GHR: variants seen among roughly 807,000 people sequenced by gnomAD.
The protein encoded by GHR is growth hormone receptor, also known as GH receptor.
In GHR, 35 loss-of-function variants were observed where a neutral mutation model predicts 67.1. The ratio of observed to expected loss-of-function variants is 0.52; its 90% CI spans 0.40 to 0.69. The LOEUF (loss-of-function observed/expected upper bound fraction) is 0.69, where lower values mean the gene tolerates loss of function less well. Ranked by LOEUF, GHR falls within the 30% of genes least tolerant of loss-of-function variation. GHR has a pLI of 0.00. For missense variants in GHR, 792 were observed against 764.6 expected (o/e 1.04, Z -0.42); for synonymous variants, 272 against 269.1 (o/e 1.01, Z -0.10).
intron 2 of GHR, among the ~76,000 whole-genome samples, chr5:42,600,918 CTTTT>C (rs933355797): frequency 1.5e-5 from 1 of 66,664 alleles, no homozygotes; most frequent in Non-Finnish European, 2.6e-5. Flanking sequence ...TCTTTCTATT[CTTTT>C]TTTTTTTTTT....
chr5:42,520,877 G>A (rs1051570226), intron 1 of GHR, among the ~76,000 whole-genome samples: 2 of 152,072 alleles, frequency 1.3e-5, no homozygotes, highest in African/African-American at 4.8e-5. Flanking sequence ...GGATTTCTCT[G>A]ACCTGAAGTT....
intron 8 of GHR, among the ~76,000 whole-genome samples, chr5:42,716,272 A>G (rs1031733550): frequency 3.9e-5 from 6 of 152,082 alleles, no homozygotes; most frequent in African/African-American, 1.4e-4. Context: ...TGTGCCAACT[A>G]TGAATGCATG....
chr5:42,525,902 C>T (rs1268456415), intron 1 of GHR, among the ~76,000 whole-genome samples: 1 of 152,164 alleles, frequency 6.6e-6, no homozygotes, highest in Non-Finnish European at 1.5e-5. Flanking sequence ...TTGGAGGGCT[C>T]CCATACATGT....
At chr5:42,432,894 T>C (rs1161723323) in intron 1 of GHR, among the ~76,000 whole-genome samples, 3 of 152,230 alleles carry the variant, frequency 2.0e-5, no homozygotes, top group East Asian at 1.9e-4. Context: ...GTAAATATTT[T>C]GCAGGTGGCC....
chr5:42,649,097 G>A (rs968852650), intron 3 of GHR, among the ~76,000 whole-genome samples: 2 of 152,164 alleles, frequency 1.3e-5, no homozygotes, highest in Non-Finnish European at 2.9e-5. Context: ...GACTGCATCA[G>A]ACAGACTTGG....
chr5:42,627,307 T>A (rs918811416), intron 2 of GHR, among the ~76,000 whole-genome samples: 6 of 152,238 alleles, frequency 3.9e-5, no homozygotes, highest in Non-Finnish European at 8.8e-5. Context: ...AATCTTTTTT[T>A]AAAAAATTGT....
At chr5:42,578,821 A>C (rs565234923) in intron 2 of GHR, among the ~76,000 whole-genome samples, 1 of 152,118 alleles carries the variant, frequency 6.6e-6, no homozygotes, top group Non-Finnish European at 1.5e-5. Flanking sequence ...CCCCTTTTTC[A>C]TACCTGCTCC....
chr5:42,614,598 A>C (rs1455607302), intron 2 of GHR, among the ~76,000 whole-genome samples: 3 of 114,772 alleles, frequency 2.6e-5, no homozygotes. Context: ...TTTTGCATGG[A>C]GCACAGATTA....
intron 1 of GHR, among the ~76,000 whole-genome samples, chr5:42,431,165 C>G (rs957835976): frequency 6.6e-6 from 1 of 152,066 alleles, no homozygotes; most frequent in Non-Finnish European, 1.5e-5. Context: ...CTATTTTATT[C>G]TCTCATCATT....
chr5:42,639,152 C>T (rs570504693), intron 3 of GHR, among the ~76,000 whole-genome samples: 18 of 152,232 alleles, frequency 1.2e-4, no homozygotes, highest in African/African-American at 3.4e-4. Context: ...CTGTCTGAGA[C>T]GTGTCATCAT....
chr5:42,700,238 A>G (rs909847424), intron 6 of GHR, among the ~76,000 whole-genome samples: 2 of 152,176 alleles, frequency 1.3e-5, no homozygotes, highest in African/African-American at 2.4e-5. Context: ...CTATTTCTCC[A>G]TTCATTCTTG....
At chr5:42,712,916 AAT>A (rs1441183465) in intron 7 of GHR, among the ~76,000 whole-genome samples, 5 of 151,400 alleles carry the variant, frequency 3.3e-5, no homozygotes, top group Admixed American at 2.0e-4. Flanking sequence ...ATAGCTGTAA[AAT>A]ATATGTTATT....
At chr5:42,549,893 A>C (rs1280356653) in intron 1 of GHR, among the ~76,000 whole-genome samples, 1 of 152,238 alleles carries the variant, frequency 6.6e-6, no homozygotes, top group African/African-American at 2.4e-5. Context: ...TGTCAGGGCT[A>C]GTTTGGAGTA....
intron 3 of GHR, among the ~76,000 whole-genome samples, chr5:42,661,190 A>T (rs2112863048): frequency 6.6e-6 from 1 of 152,362 alleles, no homozygotes; most frequent in East Asian, 1.9e-4. Flanking sequence ...GCAGGATATT[A>T]TCCAGGAGAA....
Position 42,629,015 on chromosome 5 carries a change from G to A in GHR, c.71-23G>A. On this transcript the variant is annotated intron_variant, in intron 2 of 9. Coordinates refer to ENST00000230882, the MANE Select transcript of GHR (RefSeq NM_000163.5). ...ATTGTTTTGATGGGGATGACTAATGGTTTTCTTCTCTTTCTGTTTCAGCCA... is the reference window on the plus strand; with the variant it reads ...ATTGTTTTGATGGGGATGACTAATGATTTTCTTCTCTTTCTGTTTCAGCCA... 4.7e-6 allele frequency: 6 copies of A among 1,276,746 alleles called. 1 individual carries two copies. The highest frequency in any genetic ancestry group is 3.6e-5 in the Admixed American group (2 of 55,728). The allele number at this position is 1,276,746 out of a possible 1,614,324, so 79.1% of individuals were successfully genotyped here. A position where few individuals can be genotyped will look rare whatever the true frequency, so the allele number is the denominator to read the frequency against.
At chr5:42,464,159 A>G (rs1240789848) in intron 1 of GHR, among the ~76,000 whole-genome samples, 2 of 150,892 alleles carry the variant, frequency 1.3e-5, no homozygotes, top group Non-Finnish European at 2.9e-5. Flanking sequence ...TTCATTATCT[A>G]CTTACTACCT....
rs36037535 is a variant in GHR at position 42,599,357 on chromosome 5, A to ATTTT, written c.71-29660_71-29657dup. Among the ~76,000 whole-genome samples the ATTTT allele has an allele frequency of 3.5e-3, 365 of 103,900 alleles. 5 individuals are homozygous for ATTTT. Among genetic ancestry groups the ATTTT allele is most frequent in the Middle Eastern group, 6.4e-3 (1 of 156 alleles). The allele number at this position is 103,900 out of a possible 152,430, so 68.2% of individuals were successfully genotyped here. On this transcript the variant is annotated intron_variant, in intron 2 of 9. Transcript: ENST00000230882. ...GGGCATGTTGTTTGGCCTACAGCAC[A>ATTTT]TTTTTTTTTTTTTTTTTTTTTTTTG...
chr5:42,690,950 C>A (rs1757393706), intron 4 of GHR, among the ~76,000 whole-genome samples: 1 of 152,104 alleles, frequency 6.6e-6, no homozygotes, highest in African/African-American at 2.4e-5. Flanking sequence ...TTAAGCTGGG[C>A]CCACTTTATG....
In GHR at chr5:42,669,528, A is replaced by G. The variant is rs139327601; in HGVS notation, c.137-19362A>G. ...TGCTATACTTTCAGGCTTGGATTGG[A>G]ATGCCCCACATTTACTTTTTCCTAC... On this transcript the variant is annotated intron_variant, in intron 3 of 9. Transcript: ENST00000230882. 3.3e-4 allele frequency among the ~76,000 whole-genome samples: 50 copies of G among 152,290 alleles called. 5 individuals carry two copies. Among genetic ancestry groups the G allele is most frequent in the African/African-American group, 1.2e-3 (48 of 41,572 alleles).
Sources: allele counts gnomAD v4.1 joint callset (sites outside exome capture counted in the v4.1 genomes callset), GRCh38; gene constraint gnomAD v4.1.1; transcripts MANE v1.5; gene names NCBI Gene and HGNC (gene_info 2026-07-23, HGNC 2026-07-21).